The following DNAI7 variants were observed in gnomAD, a reference collection of about 807,000 sequenced individuals.
The protein encoded by DNAI7 is dynein axonemal intermediate chain 7.
DNAI7 carries 78 observed loss-of-function variants against 86.6 expected under a neutral mutation model. The observed-to-expected ratio is 0.90, with a 90% CI of 0.75 to 1.09. DNAI7 has a LOEUF of 1.09. DNAI7 is among the 50% of genes least tolerant of loss of function. DNAI7 has a pLI of 0.00. For synonymous variants in DNAI7, 274 were observed against 273.0 expected (o/e 1.00, Z -0.04); for missense variants, 753 against 810.2 (o/e 0.93, Z 0.86).
chr12:25,159,169 AT>A (rs1946558000), intron 3 of DNAI7, among the ~76,000 whole-genome samples: 1 of 152,186 alleles, frequency 6.6e-6, no homozygotes, highest in Non-Finnish European at 1.5e-5. Context: ...TCTTGTGGAA[AT>A]GATGTAGGAG....
chr12:25,108,113 C>G, downstream of DNAI7: 2 of 1,580,734 alleles, frequency 1.3e-6, no homozygotes, highest in South Asian at 2.3e-5. Context: ...AGTATCTGAA[C>G]TTCGTAAATT....
chr12:25,158,401 A>T, intron 4 of DNAI7, 71 bp downstream of exon 4: 1 of 1,220,620 alleles, frequency 8.2e-7, no homozygotes, highest in Non-Finnish European at 1.2e-6. Flanking sequence ...GCTGAGAAGG[A>T]CATTAAATGA....
intron 9 of DNAI7, among the ~76,000 whole-genome samples, chr12:25,125,904 G>A (rs900641779): frequency 3.9e-5 from 6 of 152,188 alleles, no homozygotes; most frequent in Admixed American, 3.9e-4. Flanking sequence ...CAGCTTTGTT[G>A]AAGATGAGAT....
intron 12 of DNAI7, among the ~76,000 whole-genome samples, chr12:25,118,553 A>T (rs549546985): frequency 2.3e-4 from 34 of 150,890 alleles, no homozygotes; most frequent in Admixed American, 7.9e-4. Flanking sequence ...ATGAGCCACC[A>T]CGCCTGGCCT....
chr12:25,176,827 T>C (rs1402357925), intron 2 of DNAI7, among the ~76,000 whole-genome samples: 4 of 151,856 alleles, frequency 2.6e-5, no homozygotes, highest in Admixed American at 1.3e-4. Context: ...TGACTTTATG[T>C]ATATTATTGT....
intron 2 of DNAI7, among the ~76,000 whole-genome samples, chr12:25,169,183 C>A (rs952966603): frequency 6.6e-6 from 1 of 152,152 alleles, no homozygotes; most frequent in Non-Finnish European, 1.5e-5. Context: ...CTGGTTCCTG[C>A]CTTAACTGAT....
chr12:25,146,617 A>C (rs570640916), intron 8 of DNAI7, among the ~76,000 whole-genome samples: 7 of 151,906 alleles, frequency 4.6e-5, no homozygotes, highest in Admixed American at 4.6e-4. Flanking sequence ...AAAGAAAAAG[A>C]AAGCACCTAC....
rs1948597528 is a variant in DNAI7, at chr12:25,174,426, TC to T, written c.22-13230del. On this transcript the variant is annotated intron_variant, in intron 2 of 15. Transcript: ENST00000395987. ...ATATGGGATATATGGGATATATATA[TC>T]ATATATATCATATATATGGGATATA... Among the ~76,000 whole-genome samples, 5 of 26,944 alleles carry T rather than the reference TC, an allele frequency of 1.9e-4. 2 individuals carry two copies. Among genetic ancestry groups the T allele is most frequent in the African/African-American group, 1.2e-3 (5 of 4,264 alleles). 17.7% of individuals were successfully genotyped at this position (26,944 alleles called of 152,430 possible). A position where few individuals can be genotyped will look rare whatever the true frequency, so the allele number is the denominator to read the frequency against.
At chr12:25,161,994 T>C (rs1051088928) in intron 2 of DNAI7, among the ~76,000 whole-genome samples, 14 of 152,202 alleles carry the variant, frequency 9.2e-5, no homozygotes, top group Admixed American at 6.5e-4. Flanking sequence ...ATAAAGAGGA[T>C]ACCATTTTGG....
At chr12:25,170,661 C>A (rs1464071048) in intron 2 of DNAI7, among the ~76,000 whole-genome samples, 2 of 152,156 alleles carry the variant, frequency 1.3e-5, no homozygotes, top group African/African-American at 2.4e-5. Flanking sequence ...TTCCATCCAA[C>A]AACTGCAGAA....
chr12:25,194,803 AAGCTT>A, intron 1 of DNAI7: 1 of 1,428,800 alleles, frequency 7.0e-7, no homozygotes, highest in South Asian at 1.3e-5. Flanking sequence ...ACCAATTTTC[AAGCTT>A]AGCAACATTC....
Position 25,170,469 on chromosome 12 carries a change from A to G in DNAI7, c.22-9272T>C, listed in dbSNP as rs150068651. On this transcript the variant is annotated intron_variant, in intron 2 of 15. Coordinates refer to ENST00000395987, the MANE Select transcript of DNAI7 (RefSeq NM_018272.5). ...ATGCACCTAACACTGGAGCTCCCAA[A>G]TTTATAAAAACAATTACTAATAGAT... is the stretch of plus-strand genomic sequence containing the variant. Among the ~76,000 whole-genome samples the G allele has an allele frequency of 9.2e-3, 1,397 of 152,276 alleles. 21 individuals are homozygous for G. Among genetic ancestry groups the G allele is most frequent in the African/African-American group, 0.031 (1,309 of 41,558 alleles).
chr12:25,122,246 C>T (rs1460559684), intron 10 of DNAI7, among the ~76,000 whole-genome samples: 1 of 151,850 alleles, frequency 6.6e-6, no homozygotes, highest in South Asian at 2.1e-4. Flanking sequence ...TCGCTTGAGC[C>T]TAGGAGTTTA....
intron 1 of DNAI7, among the ~76,000 whole-genome samples, chr12:25,191,405 T>C (rs1391415592): frequency 2.0e-5 from 3 of 151,862 alleles, no homozygotes; most frequent in Non-Finnish European, 4.4e-5. Context: ...AAAAAATGAA[T>C]AAATAAATAA....
intron 7 of DNAI7, 92 bp from the exon 8 acceptor site, chr12:25,147,196 C>A: frequency 4.4e-6 from 3 of 675,882 alleles, no homozygotes; most frequent in Non-Finnish European, 7.8e-6. Context: ...GTGTTGGATT[C>A]CCTTTATTAA....
At chr12:25,117,404 A>C (rs2140410345) in intron 12 of DNAI7, among the ~76,000 whole-genome samples, 1 of 152,316 alleles carries the variant, frequency 6.6e-6, no homozygotes, top group South Asian at 2.1e-4. Flanking sequence ...AATTTTCCAT[A>C]ACTAAATAAG....
chr12:25,110,252 AAAAC>A lies in DNAI7; in HGVS notation c.1780-16_1780-13del, dbSNP rs772679156. On this transcript the variant is annotated splice_polypyrimidine_tract_variant and intron_variant, in intron 14 of 15. Coordinates refer to ENST00000395987, the MANE Select transcript of DNAI7 (RefSeq NM_018272.5). ...TCTACCAAAGGAACCTGTCAATATA[AAAAC>A]AAATAGAATTGATCTTTGAGCCTCC... The A allele has an allele frequency of 3.2e-4, 462 of 1,451,084 alleles. No individual in the cohort carries two copies. The highest frequency in any genetic ancestry group is 4.3e-4 in the Non-Finnish European group (448 of 1,033,950). The allele number at this position is 1,451,084 out of a possible 1,614,324, so 89.9% of individuals were successfully genotyped here.
intron 9 of DNAI7, among the ~76,000 whole-genome samples, chr12:25,137,558 G>C (rs1943688972): frequency 6.6e-6 from 1 of 152,160 alleles, no homozygotes; most frequent in East Asian, 1.9e-4. Flanking sequence ...ACTAACATTG[G>C]ATGTAAATGG....
chr12:25,158,831 C>G (rs966437334), intron 3 of DNAI7: 8 of 434,106 alleles, frequency 1.8e-5, no homozygotes, highest in Non-Finnish European at 2.7e-5. Flanking sequence ...CCAACAGACA[C>G]ATGAAAAAAT....
Sources: gnomAD v4.1 joint callset for allele counts (sites outside exome capture counted in the v4.1 genomes callset) on GRCh38, gnomAD v4.1.1 for gene constraint, MANE v1.5 for transcripts, NCBI Gene and HGNC (gene_info 2026-07-23, HGNC 2026-07-21) for gene names.